EEFSEC: variants seen among roughly 807,000 people sequenced by gnomAD.
EEFSEC encodes the protein eukaryotic elongation factor, selenocysteine-tRNA specific, also known as selenocysteine-specific elongation factor.
Under a neutral mutation model 42.1 loss-of-function variants are expected in EEFSEC, and 43 were observed. That is an observed-to-expected ratio of 1.02 (90% CI 0.80 to 1.32). The LOEUF (loss-of-function observed/expected upper bound fraction) is 1.32. Among genes scored for constraint, EEFSEC ranks in the 40% most tolerant of loss-of-function variants. The probability of loss-of-function intolerance (pLI) is 0.00; values close to 1 mark genes in which losing one functional copy is unlikely to be tolerated. For missense variants in EEFSEC, 745 were observed against 803.6 expected, an observed-to-expected ratio of 0.93 and a Z score of 0.88; for synonymous variants, 354 against 339.1, an observed-to-expected ratio of 1.04 and a Z score of -0.48.
At chr3:128,407,992 G>T in intron 6 of EEFSEC, 77 bp from the exon 7 acceptor site, 1 of 1,373,970 alleles carries the variant, frequency 7.3e-7, no homozygotes. Context: ...GTGAGTCTAG[G>T]CAGCAGGTGC....
chr3:128,319,252 T>A (rs1232369170), intron 4 of EEFSEC, among the ~76,000 whole-genome samples: 1 of 152,186 alleles, frequency 6.6e-6, no homozygotes, highest in Non-Finnish European at 1.5e-5. Flanking sequence ...GGAGCCAGCT[T>A]ACCCTGCCTG....
intron 4 of EEFSEC, among the ~76,000 whole-genome samples, chr3:128,302,202 T>G (rs573666339): frequency 4.6e-5 from 7 of 152,304 alleles, no homozygotes; most frequent in African/African-American, 1.7e-4. Flanking sequence ...AGGAATGTAA[T>G]GCATAGAGTG....
chr3:128,265,535 A>G (rs1386898428), intron 4 of EEFSEC, among the ~76,000 whole-genome samples: 17 of 152,364 alleles, frequency 1.1e-4, no homozygotes, highest in Admixed American at 3.3e-4. Flanking sequence ...AAGGTAGGGA[A>G]CACATGCTAC....
intron 1 of EEFSEC, among the ~76,000 whole-genome samples, chr3:128,239,053 G>A (rs1248365081): frequency 2.0e-5 from 3 of 152,228 alleles, no homozygotes; most frequent in Non-Finnish European, 4.4e-5. Flanking sequence ...ATTTGGCCAG[G>A]ATGTTTGTGG....
chr3:128,269,074 C>T (rs2066386962), intron 4 of EEFSEC, among the ~76,000 whole-genome samples: 1 of 152,214 alleles, frequency 6.6e-6, no homozygotes, highest in African/African-American at 2.4e-5. Flanking sequence ...CATGTCAGAA[C>T]CATTGCATAC....
intron 5 of EEFSEC, among the ~76,000 whole-genome samples, chr3:128,345,397 G>T (rs972884949): frequency 6.6e-6 from 1 of 152,192 alleles, no homozygotes; most frequent in African/African-American, 2.4e-5. Flanking sequence ...AGAGGGAGGG[G>T]CTGAGAGTCT....
At chr3:128,380,648 T>A (rs976833403) in intron 6 of EEFSEC, among the ~76,000 whole-genome samples, 1 of 152,254 alleles carries the variant, frequency 6.6e-6, no homozygotes, top group Non-Finnish European at 1.5e-5. Flanking sequence ...ATTAGAACAC[T>A]GATGTTTTCT....
chr3:128,162,728 C>T (rs1362876677), intron 1 of EEFSEC, among the ~76,000 whole-genome samples: 1 of 151,970 alleles, frequency 6.6e-6, no homozygotes, highest in Non-Finnish European at 1.5e-5. Context: ...CCCTTGAGAA[C>T]AAAACATATC....
At chr3:128,243,799 G>A (rs1173817737) in intron 1 of EEFSEC, among the ~76,000 whole-genome samples, 1 of 152,164 alleles carries the variant, frequency 6.6e-6, no homozygotes, top group Non-Finnish European at 1.5e-5. Flanking sequence ...AGAAATTGTG[G>A]GCTGGGTCCC....
rs149455195 is a variant in EEFSEC at position 128,312,445 on chromosome 3, C to T, written c.787-28788C>T. ...AGAGGATGGAGTAGCGGGATCCCAC[C>T]GCCTTTGTGTCACCAGACTGCGCTG... On this transcript the variant is annotated intron_variant, in intron 4 of 6. Transcript: ENST00000254730. Among the ~76,000 whole-genome samples the T allele has an allele frequency of 9.1e-4, 139 of 152,366 alleles. 2 individuals are homozygous for T. In the East Asian group the frequency reaches 0.024, roughly 27 times the overall value.
intron 6 of EEFSEC, among the ~76,000 whole-genome samples, chr3:128,390,169 T>C (rs1036080686): frequency 6.6e-6 from 1 of 152,252 alleles, no homozygotes; most frequent in Non-Finnish European, 1.5e-5. Flanking sequence ...TAATTTACAT[T>C]GTTGTGACAA....
intron 1 of EEFSEC, among the ~76,000 whole-genome samples, chr3:128,164,166 G>A (rs1218146642): frequency 1.3e-5 from 2 of 152,096 alleles, no homozygotes; most frequent in African/African-American, 4.8e-5. Context: ...ACATGGAGCT[G>A]CATTTGGTGT....
Position 128,293,676 on chromosome 3 carries a change from A to AC in EEFSEC, c.786+28895_786+28896insC, listed in dbSNP as rs1559906639. ...ACTCTATCTCAAAAAAAAAAAAAAA[A>AC]AAAAAAAAAAACTTCCCTTATAGGA... On this transcript the variant is annotated intron_variant, in intron 4 of 6. Coordinates refer to ENST00000254730, the MANE Select transcript of EEFSEC (RefSeq NM_021937.5). 1.3e-4 allele frequency among the ~76,000 whole-genome samples: 20 copies of AC among 149,572 alleles called. 2 individuals are homozygous for AC. The highest frequency in any genetic ancestry group is 3.9e-4 in the East Asian group (2 of 5,138).
chr3:128,332,598 C>A (rs1355964959), intron 4 of EEFSEC, among the ~76,000 whole-genome samples: 2 of 152,174 alleles, frequency 1.3e-5, no homozygotes, highest in African/African-American at 4.8e-5. Flanking sequence ...ATTACAGGCA[C>A]CCGCCATAAT....
intron 2 of EEFSEC, among the ~76,000 whole-genome samples, chr3:128,248,745 C>T (rs538336268): frequency 6.6e-5 from 10 of 152,204 alleles, no homozygotes; most frequent in Admixed American, 1.3e-4. Context: ...AGAAATGGGA[C>T]CTTCAGGGAA....
intron 1 of EEFSEC, among the ~76,000 whole-genome samples, chr3:128,215,948 GAGTTCCTACTGTCTAA>G (rs2065806900): frequency 6.6e-6 from 1 of 152,150 alleles, no homozygotes; most frequent in Non-Finnish European, 1.5e-5. Flanking sequence ...GCTGGGACCA[GAGTTCCTACTGTCTAA>G]ACATTAGGGA....
intron 5 of EEFSEC, among the ~76,000 whole-genome samples, chr3:128,348,177 C>A (rs1196462878): frequency 6.6e-6 from 1 of 151,734 alleles, no homozygotes; most frequent in Non-Finnish European, 1.5e-5. Flanking sequence ...AAAGTAAAAT[C>A]ATGAACCACT....
intron 2 of EEFSEC, among the ~76,000 whole-genome samples, chr3:128,261,575 C>T (rs1369017094): frequency 8.3e-5 from 10 of 120,612 alleles, no homozygotes; most frequent in African/African-American, 2.6e-4. Context: ...TTTTTTTGCC[C>T]TAACAATGTT....
chr3:128,415,798 C>G, the EEFSEC span, among the ~76,000 whole-genome samples: 2,925 of 152,326 alleles, frequency 0.019, 95 homozygotes, highest in African/African-American at 0.063. Flanking sequence ...TGGCCGGCCT[C>G]TTATGGATGG....
Sources: gnomAD v4.1 joint callset for allele counts (sites outside exome capture counted in the v4.1 genomes callset) on GRCh38, gnomAD v4.1.1 for gene constraint, MANE v1.5 for transcripts, NCBI Gene and HGNC (gene_info 2026-07-23, HGNC 2026-07-21) for gene names.